TMTC2: variants seen among roughly 807,000 people sequenced by gnomAD.
TMTC2 encodes the protein protein O-mannosyl-transferase TMTC2.
Under a neutral mutation model 82.4 loss-of-function variants are expected in TMTC2, and 43 were observed. That is an observed-to-expected ratio of 0.52 (90% confidence interval 0.41 to 0.67). The LOEUF is 0.67. Ranked by LOEUF, TMTC2 falls within the 30% of genes least tolerant of loss-of-function variation. TMTC2 has a pLI of 0.00. For missense variants in TMTC2, 919 were observed against 1,012.4 expected (o/e 0.91, Z 1.25); for synonymous variants, 408 against 381.9 (o/e 1.07, Z -0.80).
At chr12:82,792,816 G>A (rs1201803376) in intron 1 of TMTC2, among the ~76,000 whole-genome samples, 2 of 151,866 alleles carry the variant, frequency 1.3e-5, no homozygotes, top group Non-Finnish European at 2.9e-5. Flanking sequence ...ACAGATTCTG[G>A]AGATGAATAT....
intron 8 of TMTC2, among the ~76,000 whole-genome samples, chr12:83,000,072 A>G (rs1879846831): frequency 6.6e-6 from 1 of 152,174 alleles, no homozygotes; most frequent in South Asian, 2.1e-4. Flanking sequence ...GCCATTCCAA[A>G]TGGGAGAAAT....
intron 1 of TMTC2, among the ~76,000 whole-genome samples, chr12:82,837,219 A>G (rs1357650545): frequency 2.0e-5 from 3 of 152,176 alleles, no homozygotes; most frequent in Admixed American, 1.3e-4. Flanking sequence ...CATGGGTTTA[A>G]CCATCTACTG....
intron 1 of TMTC2, among the ~76,000 whole-genome samples, chr12:82,852,451 G>A (rs1324919796): frequency 1.3e-5 from 2 of 152,086 alleles, no homozygotes; most frequent in Admixed American, 6.6e-5. Flanking sequence ...TCAGTCCTGT[G>A]TTCTCTAGGG....
chr12:82,825,975 A>G (rs1278701209), intron 1 of TMTC2, among the ~76,000 whole-genome samples: 1 of 152,174 alleles, frequency 6.6e-6, no homozygotes, highest in African/African-American at 2.4e-5. Context: ...AAGTTTTACC[A>G]TAGCTTCAAA....
At chr12:82,811,846 C>CT (rs1868410724) in intron 1 of TMTC2, among the ~76,000 whole-genome samples, 1 of 116,048 alleles carries the variant, frequency 8.6e-6, no homozygotes, top group African/African-American at 3.3e-5. Context: ...GAGATGGAGT[C>CT]TCGCTCTGTC....
intron 1 of TMTC2, among the ~76,000 whole-genome samples, chr12:82,700,396 G>C (rs1873019620): frequency 6.6e-6 from 1 of 151,976 alleles, no homozygotes; most frequent in Admixed American, 6.6e-5. Flanking sequence ...AACTATTATA[G>C]GGCATTTAAA....
chr12:82,713,173 T>C (rs901860937), intron 1 of TMTC2, among the ~76,000 whole-genome samples: 9 of 151,824 alleles, frequency 5.9e-5, no homozygotes, highest in Admixed American at 5.2e-4. Flanking sequence ...GACAAAAGAT[T>C]AGCTGGGCGT....
At chr12:82,979,317 T>C (rs769679110) in intron 7 of TMTC2, among the ~76,000 whole-genome samples, 5 of 151,774 alleles carry the variant, frequency 3.3e-5, no homozygotes, top group Admixed American at 6.6e-5. Flanking sequence ...AATTTCTTGC[T>C]TTTTATTTTT....
At chr12:82,880,631 TG>T (rs1393939338) in intron 2 of TMTC2, among the ~76,000 whole-genome samples, 4 of 152,216 alleles carry the variant, frequency 2.6e-5, no homozygotes, top group African/African-American at 9.7e-5. Flanking sequence ...AAAAACTTTT[TG>T]CTTGTCTCCC....
intron 11 of TMTC2, among the ~76,000 whole-genome samples, chr12:83,101,669 C>T (rs531880022): frequency 4.6e-5 from 7 of 152,116 alleles, no homozygotes; most frequent in Admixed American, 1.3e-4. Flanking sequence ...GGTTTGGGAC[C>T]GAGCAGTACT....
chr12:83,040,679 C>CTTT (rs750327519), intron 9 of TMTC2, among the ~76,000 whole-genome samples: 46 of 124,198 alleles, frequency 3.7e-4, no homozygotes, highest in East Asian at 5.0e-4. Flanking sequence ...CTGTCCTTTT[C>CTTT]TTTTTTTTTT....
chr12:82,820,437 C>T (rs190366697), intron 1 of TMTC2, among the ~76,000 whole-genome samples: 2 of 151,320 alleles, frequency 1.3e-5, no homozygotes, highest in Admixed American at 1.3e-4. Context: ...GTGGAGTGAT[C>T]TCGGCTCTAC....
intron 7 of TMTC2, among the ~76,000 whole-genome samples, chr12:82,982,708 C>T (rs1203362620): frequency 3.3e-5 from 5 of 151,940 alleles, no homozygotes; most frequent in African/African-American, 1.2e-4. Flanking sequence ...TGATGGATCA[C>T]AAGCTAGAAA....
intron 1 of TMTC2, among the ~76,000 whole-genome samples, chr12:82,750,170 C>T (rs1290277407): frequency 1.3e-5 from 2 of 151,964 alleles, no homozygotes; most frequent in East Asian, 1.9e-4. Context: ...TTTCTCATTC[C>T]TTTAATTGTA....
intron 1 of TMTC2, among the ~76,000 whole-genome samples, chr12:82,788,384 AATTTAGATG>A (rs1878289823): frequency 6.6e-6 from 1 of 152,104 alleles, no homozygotes; most frequent in Non-Finnish European, 1.5e-5. Context: ...AGTGAAGTTG[AATTTAGATG>A]GCACAAATTG....
At chr12:82,865,054 A>T (rs1871769421) in intron 2 of TMTC2, among the ~76,000 whole-genome samples, 1 of 135,548 alleles carries the variant, frequency 7.4e-6, no homozygotes, top group African/African-American at 3.5e-5. Flanking sequence ...CTCTACTAAA[A>T]ATACAAAAAA....
At chr12:82,779,036 C>CA (rs1196960733) in intron 1 of TMTC2, among the ~76,000 whole-genome samples, 933 of 75,020 alleles carry the variant, frequency 0.012, 9 homozygotes, top group East Asian at 0.05. Flanking sequence ...GACTCCATAT[C>CA]AAAAAAAAAA....
chr12:82,772,084 G>C (rs1325315307), intron 1 of TMTC2, among the ~76,000 whole-genome samples: 1 of 152,156 alleles, frequency 6.6e-6, no homozygotes, highest in Admixed American at 6.6e-5. Context: ...GCGCTTAACT[G>C]TAAATTTCCT....
intron 11 of TMTC2, among the ~76,000 whole-genome samples, chr12:83,124,026 G>T (rs1388488379): frequency 1.3e-5 from 2 of 152,144 alleles, no homozygotes; most frequent in South Asian, 2.1e-4. Context: ...CATCCTCTGT[G>T]CAGTCCTCTT....
Sources: gnomAD v4.1 joint callset for allele counts (sites outside exome capture counted in the v4.1 genomes callset) on GRCh38, gnomAD v4.1.1 for gene constraint, MANE v1.5 for transcripts, NCBI Gene and HGNC (gene_info 2026-07-23, HGNC 2026-07-21) for gene names.